CNTNAP5: variants seen among roughly 807,000 people sequenced by gnomAD.
CNTNAP5 encodes the protein contactin associated protein family member 5, also known as contactin-associated protein-like 5.
CNTNAP5 carries 72 observed loss-of-function variants against 150.2 expected under a neutral mutation model. The observed-to-expected ratio is 0.48, with a 90% CI of 0.40 to 0.58. The LOEUF (loss-of-function observed/expected upper bound fraction) is 0.58. Among genes scored for constraint, CNTNAP5 ranks in the 20% least tolerant of loss-of-function variants. CNTNAP5 has a pLI of 0.00. For synonymous variants in CNTNAP5, 672 were observed against 619.8 expected, an observed-to-expected ratio of 1.08 and a Z score of -1.25; for missense variants, 1,636 against 1,626.2, an observed-to-expected ratio of 1.01 and a Z score of -0.10.
At position 124,571,914 on chromosome 2, in the gene CNTNAP5, G is replaced by A. The variant is rs74588220; in HGVS notation, c.1756+8591G>A. ...ACAATAAGGGGGAAAAATGAAATAA[G>A]CAAACCAATAAAATTCAACCTGAGG... On this transcript the variant is annotated intron_variant, in intron 11 of 23. Transcript: ENST00000682447. 2.6e-3 allele frequency among the ~76,000 whole-genome samples: 397 copies of A among 152,140 alleles called. 1 individual carries two copies. Among genetic ancestry groups the A allele is most frequent in the African/African-American group, 8.7e-3 (361 of 41,508 alleles).
At chr2:124,499,095 C>G (rs527520641) in intron 7 of CNTNAP5, among the ~76,000 whole-genome samples, 10 of 152,206 alleles carry the variant, frequency 6.6e-5, no homozygotes, top group African/African-American at 2.4e-4. Flanking sequence ...TAAATCATCC[C>G]ACTACTATTA....
intron 1 of CNTNAP5, among the ~76,000 whole-genome samples, chr2:124,160,981 A>T (rs186621580): frequency 5.8e-4 from 89 of 152,296 alleles, no homozygotes; most frequent in African/African-American, 8.4e-4. Context: ...TAAACCATCT[A>T]TAATGCAATT....
chr2:124,667,835 G>T (rs904761595), intron 13 of CNTNAP5, among the ~76,000 whole-genome samples: 6 of 152,158 alleles, frequency 3.9e-5, no homozygotes, highest in African/African-American at 1.4e-4. Context: ...AATCGTTCCT[G>T]CTTGTCTCTT....
intron 11 of CNTNAP5, among the ~76,000 whole-genome samples, chr2:124,575,108 C>G (rs750604390): frequency 6.6e-6 from 1 of 152,098 alleles, no homozygotes; most frequent in Non-Finnish European, 1.5e-5. Flanking sequence ...GAGGCAAGTA[C>G]GCTTTAATGT....
intron 13 of CNTNAP5, among the ~76,000 whole-genome samples, chr2:124,652,303 T>A (rs1678339884): frequency 6.6e-6 from 1 of 152,166 alleles, no homozygotes; most frequent in South Asian, 2.1e-4. Context: ...CTGGAGGCCC[T>A]TTGCTACAGT....
At chr2:124,312,610 G>A (rs1573909010) in intron 3 of CNTNAP5, among the ~76,000 whole-genome samples, 1 of 152,068 alleles carries the variant, frequency 6.6e-6, no homozygotes, top group Admixed American at 6.6e-5. Context: ...TCGCTCTTTC[G>A]CCCAGGCCGG....
chr2:124,142,417 A>G (rs180750250), intron 1 of CNTNAP5, among the ~76,000 whole-genome samples: 236 of 152,150 alleles, frequency 1.6e-3, no homozygotes, highest in African/African-American at 5.4e-3. Context: ...AAATCTAAAG[A>G]ACAGAAATTA....
intron 13 of CNTNAP5, among the ~76,000 whole-genome samples, chr2:124,687,667 A>G (rs930890251): frequency 3.9e-5 from 6 of 152,076 alleles, no homozygotes; most frequent in Non-Finnish European, 7.4e-5. Flanking sequence ...GTACGTGGCA[A>G]GTAGAGAGAT....
At chr2:124,379,101 A>T (rs573652296) in intron 3 of CNTNAP5, among the ~76,000 whole-genome samples, 50 of 151,754 alleles carry the variant, frequency 3.3e-4, no homozygotes, top group African/African-American at 1.2e-3. Flanking sequence ...CTCCTTTGTT[A>T]TTCTCTACCA....
chr2:124,038,080 T>G (rs1284318580), intron 1 of CNTNAP5, among the ~76,000 whole-genome samples: 1 of 152,210 alleles, frequency 6.6e-6, no homozygotes, highest in African/African-American at 2.4e-5. Flanking sequence ...CCAATAGGGA[T>G]AGACAGAAGG....
At chr2:124,853,253 T>G (rs1043259326) in intron 19 of CNTNAP5, among the ~76,000 whole-genome samples, 1 of 152,206 alleles carries the variant, frequency 6.6e-6, no homozygotes, top group African/African-American at 2.4e-5. Context: ...ATATGTACAT[T>G]GTGGCACCCA....
At chr2:124,044,464 A>G (rs1201303126) in intron 1 of CNTNAP5, among the ~76,000 whole-genome samples, 1 of 152,176 alleles carries the variant, frequency 6.6e-6, no homozygotes, top group African/African-American at 2.4e-5. Flanking sequence ...ATTGGGGGAA[A>G]TTGTATTCAT....
At chr2:124,834,563 T>G (rs1682789678) in intron 19 of CNTNAP5, among the ~76,000 whole-genome samples, 1 of 152,200 alleles carries the variant, frequency 6.6e-6, no homozygotes, top group African/African-American at 2.4e-5. Context: ...AACACATTTC[T>G]TGTTTAATGG....
intron 1 of CNTNAP5, among the ~76,000 whole-genome samples, chr2:124,209,191 T>C (rs1425439634): frequency 6.6e-6 from 1 of 152,160 alleles, no homozygotes; most frequent in Non-Finnish European, 1.5e-5. Context: ...CTCCTCCAAA[T>C]TACTAGATAT....
chr2:124,850,898 AT>A (rs1434116919), intron 19 of CNTNAP5, among the ~76,000 whole-genome samples: 3 of 152,232 alleles, frequency 2.0e-5, no homozygotes, highest in Admixed American at 2.0e-4. Flanking sequence ...CATACAGTTC[AT>A]TGGTGAATTA....
At chr2:124,172,670 T>A (rs1489362951) in intron 1 of CNTNAP5, among the ~76,000 whole-genome samples, 1 of 152,148 alleles carries the variant, frequency 6.6e-6, no homozygotes, top group Admixed American at 6.6e-5. Flanking sequence ...CTTCTTGACC[T>A]CCCAAAGTGC....
intron 7 of CNTNAP5, among the ~76,000 whole-genome samples, chr2:124,480,654 G>A (rs143568499): frequency 1.4e-4 from 22 of 152,194 alleles, no homozygotes; most frequent in Admixed American, 8.5e-4. Context: ...GCTTGTTTCC[G>A]GGATCATGTT....
At chr2:124,274,894 C>T (rs1280156024) in intron 3 of CNTNAP5, among the ~76,000 whole-genome samples, 2 of 152,106 alleles carry the variant, frequency 1.3e-5, no homozygotes, top group Non-Finnish European at 2.9e-5. Context: ...AATAAAGGGA[C>T]TGTATTAACC....
intron 11 of CNTNAP5, among the ~76,000 whole-genome samples, chr2:124,592,283 G>T (rs1160740665): frequency 6.6e-6 from 1 of 151,746 alleles, no homozygotes; most frequent in African/African-American, 2.4e-5. Context: ...CTGTAATTTT[G>T]CTAGATATTG....
Sources: gnomAD v4.1 joint callset for allele counts (sites outside exome capture counted in the v4.1 genomes callset) on GRCh38, gnomAD v4.1.1 for gene constraint, MANE v1.5 for transcripts, NCBI Gene and HGNC (gene_info 2026-07-23, HGNC 2026-07-21) for gene names.